The following PLEKHG7 variants were observed in gnomAD, a reference collection of about 807,000 sequenced individuals.
PLEKHG7 encodes pleckstrin homology and RhoGEF domain containing G7.
In PLEKHG7, 77 loss-of-function variants were observed where a neutral mutation model predicts 85.2. The observed-to-expected ratio is 0.90, with a 90% CI of 0.75 to 1.09. The LOEUF is 1.09. PLEKHG7 is among the 50% of genes least tolerant of loss of function. PLEKHG7 has a pLI of 0.00. For synonymous variants in PLEKHG7, 301 were observed against 302.4 expected (o/e 1.00, Z 0.05); for missense variants, 777 against 804.3 (o/e 0.97, Z 0.41).
intron 3 of PLEKHG7, among the ~76,000 whole-genome samples, chr12:92,715,890 G>A (rs1871473172): frequency 1.3e-5 from 2 of 152,252 alleles, no homozygotes; most frequent in Non-Finnish European, 2.9e-5. Flanking sequence ...GCAAGAGACT[G>A]CATGGCCCAC....
intron 4 of PLEKHG7, 22 bp from the exon 5 acceptor site, chr12:92,732,211 T>A: frequency 8.2e-7 from 1 of 1,221,054 alleles, no homozygotes. Context: ...CGTAATAATA[T>A]ATTGTCTTTA....
intron 3 of PLEKHG7, among the ~76,000 whole-genome samples, chr12:92,715,098 A>C (rs1158593405): frequency 6.6e-6 from 1 of 152,204 alleles, no homozygotes; most frequent in African/African-American, 2.4e-5. Context: ...TCACATGATC[A>C]CGAGGTCCCA....
At chr12:92,768,840 A>T in intron 15 of PLEKHG7, 143 bp from the exon 16 acceptor site, 1 of 542,138 alleles carries the variant, frequency 1.8e-6, no homozygotes, top group Non-Finnish European at 3.2e-6. Context: ...TTAAAAAAAA[A>T]TTATAAGCTA....
chr12:92,729,578 A>G (rs1395601327), intron 4 of PLEKHG7, among the ~76,000 whole-genome samples: 1 of 151,914 alleles, frequency 6.6e-6, no homozygotes, highest in Non-Finnish European at 1.5e-5. Flanking sequence ...TGAGTGTCTG[A>G]TAGACAGGCA....
chr12:92,711,747 C>T (rs1288042966), intron 3 of PLEKHG7, among the ~76,000 whole-genome samples: 1 of 152,226 alleles, frequency 6.6e-6, no homozygotes, highest in Non-Finnish European at 1.5e-5. Context: ...CTGCCACTGA[C>T]ACCTTAAGCA....
At chr12:92,757,227 A>C (rs1019612883) in intron 13 of PLEKHG7, among the ~76,000 whole-genome samples, 1 of 152,240 alleles carries the variant, frequency 6.6e-6, no homozygotes, top group African/African-American at 2.4e-5. Context: ...GATTAAATGA[A>C]CCAACGGATG....
At chr12:92,755,755 A>G (rs1565795957) in intron 11 of PLEKHG7, 70 bp from the exon 12 acceptor site, 2 of 999,728 alleles carry the variant, frequency 2.0e-6, no homozygotes, top group African/African-American at 1.6e-5. Flanking sequence ...ATTCCTGTGG[A>G]CCTTGGTTAA....
intron 15 of PLEKHG7, among the ~76,000 whole-genome samples, chr12:92,767,290 T>C (rs1447939879): frequency 6.6e-6 from 1 of 152,222 alleles, no homozygotes; most frequent in Non-Finnish European, 1.5e-5. Flanking sequence ...AGGCCTAGCT[T>C]AGCAGGTCCT....
At chr12:92,766,497 T>A (rs915734240) in intron 15 of PLEKHG7, among the ~76,000 whole-genome samples, 2 of 152,124 alleles carry the variant, frequency 1.3e-5, no homozygotes, top group African/African-American at 4.8e-5. Flanking sequence ...GAAAGATGCA[T>A]GTTTTTTCTC....
chr12:92,719,134 C>T (rs376157036), intron 3 of PLEKHG7, among the ~76,000 whole-genome samples: 4 of 152,312 alleles, frequency 2.6e-5, no homozygotes, highest in East Asian at 3.9e-4. Flanking sequence ...TACAAAAGCG[C>T]ATTCCCAACA....
rs1370683908 is a variant in PLEKHG7 at position 92,753,223 on chromosome 12, C to A, written c.1252-867C>A. Among the ~76,000 whole-genome samples, 3 of 152,030 alleles carry A rather than the reference C, an allele frequency of 2.0e-5. No individual in the cohort carries two copies. The East Asian group carries it at 5.8e-4, about 29-fold the overall frequency. ...AGAAGAGGAAGAGAACACACACACCCCTATACTCCTTCCTGATGTACCCAT... is the reference window on the plus strand; with the variant it reads ...AGAAGAGGAAGAGAACACACACACCACTATACTCCTTCCTGATGTACCCAT... On this transcript the variant is annotated intron_variant, in intron 10 of 16. Coordinates refer to ENST00000344636, the MANE Select transcript of PLEKHG7 (RefSeq NM_001377329.1).
At chr12:92,761,480 GC>G (rs1288398826) in intron 13 of PLEKHG7, among the ~76,000 whole-genome samples, 1 of 151,490 alleles carries the variant, frequency 6.6e-6, no homozygotes, top group Non-Finnish European at 1.5e-5. Context: ...CATGATTGGA[GC>G]CCCTGGGGTG....
At chr12:92,722,602 G>T (rs928288268) in intron 3 of PLEKHG7, among the ~76,000 whole-genome samples, 2 of 152,140 alleles carry the variant, frequency 1.3e-5, no homozygotes, top group Non-Finnish European at 2.9e-5. Context: ...CTCCAAATTT[G>T]ACCTTTGTGC....
At chr12:92,721,356 C>A in intron 3 of PLEKHG7, 1 of 882,730 alleles carries the variant, frequency 1.1e-6, no homozygotes. Context: ...GGGGAATTCC[C>A]GGGATGCTCT....
At chr12:92,749,973 T>TATTTTATTTTA (rs55993403) in intron 10 of PLEKHG7, among the ~76,000 whole-genome samples, 1 of 106,784 alleles carries the variant, frequency 9.4e-6, no homozygotes, top group Non-Finnish European at 1.8e-5. Flanking sequence ...TATTTTATAT[T>TATTTTATTTTA]TTATTTTATT....
rs570846954 is a variant in PLEKHG7, at chr12:92,716,600, GA to G, written c.530+8936del. ...TGTTATCACTAGAATATGGCCTCTG[GA>G]AAAAAAATCTTCACAATTCATTCTT... is the stretch of plus-strand genomic sequence containing the variant. On this transcript the variant is annotated intron_variant, in intron 3 of 16. Coordinates refer to ENST00000344636, the MANE Select transcript of PLEKHG7 (RefSeq NM_001377329.1). 3.8e-3 allele frequency among the ~76,000 whole-genome samples: 582 copies of G among 151,990 alleles called. 2 individuals carry two copies. The highest frequency in any genetic ancestry group is 6.8e-3 in the Non-Finnish European group (459 of 67,956).
intron 9 of PLEKHG7, among the ~76,000 whole-genome samples, 200 bp downstream of exon 9, chr12:92,741,792 T>C (rs1233491426): frequency 2.0e-5 from 3 of 152,236 alleles, no homozygotes; most frequent in Non-Finnish European, 4.4e-5. Context: ...CCACATCTCC[T>C]GTGTGGGTTT....
chr12:92,764,167 A>C lies in PLEKHG7; in HGVS notation c.1843A>C (p.Lys615Gln). ...TATTCCACTAGATAGATTGGTAGTC[A>C]AAAGTATTGAACCACTCCATGTGTC... The part of the protein sequence containing the change: ...QPIPLDRLVV[K>Q]SIEPLHVSVF... Residue 615 changes from lysine to glutamine, a missense_variant, in exon 15 of 17, where the codon AAA becomes CAA. Physicochemically the swap from Lys to Gln is moderately conservative, Grantham distance 53. Coordinates refer to ENST00000344636, the MANE Select transcript of PLEKHG7 (RefSeq NM_001377329.1). The C allele has an allele frequency of 6.2e-7, 1 of 1,607,290 alleles. No individual in the cohort carries two copies. Among genetic ancestry groups the C allele is most frequent in the Non-Finnish European group, 8.5e-7 (1 of 1,176,472 alleles).
At chr12:92,705,178 G>A (rs1182201417) in intron 1 of PLEKHG7, among the ~76,000 whole-genome samples, 1 of 152,210 alleles carries the variant, frequency 6.6e-6, no homozygotes, top group Non-Finnish European at 1.5e-5. Context: ...GCCATTTGGT[G>A]TGGGAGTGAA....
Sources: gnomAD v4.1 joint callset for allele counts (sites outside exome capture counted in the v4.1 genomes callset) on GRCh38, gnomAD v4.1.1 for gene constraint, MANE v1.5 for transcripts, NCBI Gene and HGNC (gene_info 2026-07-23, HGNC 2026-07-21) for gene names.